Variants in FAM193A observed in about 807,000 individuals in gnomAD.
FAM193A encodes the protein protein FAM193A.
In FAM193A, 22 loss-of-function variants were observed where a neutral mutation model predicts 126.5. That is an observed-to-expected ratio of 0.17 (90% confidence interval 0.12 to 0.25). The LOEUF is 0.25. Among genes scored for constraint, FAM193A ranks in the 10% least tolerant of loss-of-function variants. The probability of loss-of-function intolerance (pLI) is 1.00; values close to 1 mark genes in which losing one functional copy is unlikely to be tolerated. For missense variants in FAM193A, 1,675 were observed against 1,672.8 expected, an observed-to-expected ratio of 1.00 and a Z score of -0.02; for synonymous variants, 761 against 646.8, an observed-to-expected ratio of 1.18 and a Z score of -2.68.
In FAM193A at chr4:2,561,154, A is replaced by C. The variant is rs1333667767; in HGVS notation, c.255+23984A>C. Among the ~76,000 whole-genome samples the C allele has an allele frequency of 3.9e-5, 6 of 152,326 alleles. No homozygotes were observed. The South Asian group carries it at 1.2e-3, about 32-fold the overall frequency. On this transcript the variant is annotated intron_variant, in intron 1 of 20. Transcript: ENST00000637812. ...AGTTCTTCCTCTCAAGTTCACACTTAATATGTTAGGCATATATGCTGGTAG... is the reference window on the plus strand; with the variant it reads ...AGTTCTTCCTCTCAAGTTCACACTTCATATGTTAGGCATATATGCTGGTAG...
At chr4:2,715,974 G>C in intron 19 of FAM193A, 49 bp from the exon 20 acceptor site, 1 of 1,008,596 alleles carries the variant, frequency 9.9e-7, no homozygotes, top group Middle Eastern at 2.0e-4. Flanking sequence ...GTTCTGATAA[G>C]ATAGCCTGCT....
At chr4:2,657,905 A>G (rs2109096501) in intron 8 of FAM193A, 25 bp downstream of exon 8, 2 of 1,504,508 alleles carry the variant, frequency 1.3e-6, no homozygotes, top group South Asian at 2.3e-5. Flanking sequence ...AAGAGAGGCA[A>G]TTAAAGGAAG....
At chr4:2,580,951 A>G (rs1577034733) in intron 1 of FAM193A, among the ~76,000 whole-genome samples, 1 of 152,136 alleles carries the variant, frequency 6.6e-6, no homozygotes, top group Non-Finnish European at 1.5e-5. Context: ...AACACGGTGA[A>G]ACCCCGTCTC....
Position 2,728,895 on chromosome 4 carries a change from AC to A in FAM193A, c.4455-2879del, listed in dbSNP as rs369837147. ...TAAGCAAATATGTTCCACCTCCAAA[AC>A]TTTTTTTTTTTTTTTTTTTTTTTTT... On this transcript the variant is annotated intron_variant, in intron 20 of 20. Coordinates refer to ENST00000637812, the MANE Select transcript of FAM193A (RefSeq NM_001366318.2). Among the ~76,000 whole-genome samples, 25 of 105,722 alleles carry A rather than the reference AC, an allele frequency of 2.4e-4. 6 individuals are homozygous for A. Among genetic ancestry groups the A allele is most frequent in the Admixed American group, 4.0e-4 (4 of 9,998 alleles). 69.4% of individuals were successfully genotyped at this position (105,722 alleles called of 152,430 possible). A position where few individuals can be genotyped will look rare whatever the true frequency, so the allele number is the denominator to read the frequency against.
chr4:2,707,095 C>T (rs76353035), intron 19 of FAM193A, among the ~76,000 whole-genome samples: 1,673 of 151,852 alleles, frequency 0.011, 36 homozygotes, highest in African/African-American at 0.038. Flanking sequence ...GCGCTCCAGC[C>T]GAGGCAACAG....
At chr4:2,568,175 G>A (rs1739080777) in intron 1 of FAM193A, among the ~76,000 whole-genome samples, 1 of 152,148 alleles carries the variant, frequency 6.6e-6, no homozygotes, top group African/African-American at 2.4e-5. Flanking sequence ...TATATTTTAT[G>A]AGATTGGATA....
At chr4:2,630,255 A>ATT (rs5855748) in intron 4 of FAM193A, among the ~76,000 whole-genome samples, 6 of 148,306 alleles carry the variant, frequency 4.0e-5, no homozygotes, top group African/African-American at 1.5e-4. Flanking sequence ...TGTTGCATGT[A>ATT]TTTTTTTTTT....
chr4:2,712,034 T>C (rs1384550986), intron 19 of FAM193A, among the ~76,000 whole-genome samples: 1 of 152,198 alleles, frequency 6.6e-6, no homozygotes, highest in Non-Finnish European at 1.5e-5. Context: ...TTGTTAATAA[T>C]TTACAGGTTT....
intron 12 of FAM193A, among the ~76,000 whole-genome samples, chr4:2,663,497 C>T (rs948336044): frequency 6.6e-6 from 1 of 151,970 alleles, no homozygotes; most frequent in Admixed American, 6.6e-5. Context: ...CCCATAGCAG[C>T]TCTGTGGAGG....
intron 13 of FAM193A, among the ~76,000 whole-genome samples, chr4:2,676,152 G>A (rs1714379659): frequency 1.3e-5 from 2 of 152,202 alleles, no homozygotes; most frequent in African/African-American, 4.8e-5. Context: ...AAGTGGAATT[G>A]CTAGATCATA....
At chr4:2,569,802 G>A (rs1269601668) in intron 1 of FAM193A, among the ~76,000 whole-genome samples, 2 of 152,158 alleles carry the variant, frequency 1.3e-5, no homozygotes, top group Non-Finnish European at 2.9e-5. Flanking sequence ...ACTGCACCCA[G>A]CTGCTAATTC....
intron 1 of FAM193A, among the ~76,000 whole-genome samples, chr4:2,580,319 G>A (rs1038021551): frequency 6.6e-6 from 1 of 152,152 alleles, no homozygotes; most frequent in Non-Finnish European, 1.5e-5. Context: ...ATACACTGTG[G>A]CCTATCAAAG....
chr4:2,609,804 C>T (rs557357021), intron 2 of FAM193A, among the ~76,000 whole-genome samples: 3 of 152,062 alleles, frequency 2.0e-5, no homozygotes, highest in Non-Finnish European at 4.4e-5. Context: ...TGTTGTGCAT[C>T]TGTAGTCCCA....
intron 10 of FAM193A, among the ~76,000 whole-genome samples, chr4:2,661,512 A>G (rs1336779024): frequency 6.6e-6 from 1 of 152,188 alleles, no homozygotes; most frequent in Non-Finnish European, 1.5e-5. Context: ...AGGAGTGTGT[A>G]TGAGCATTGG....
At chr4:2,598,219 T>A (rs1388139141) in intron 2 of FAM193A, among the ~76,000 whole-genome samples, 1 of 152,188 alleles carries the variant, frequency 6.6e-6, no homozygotes, top group Non-Finnish European at 1.5e-5. Context: ...CCTACAGTTT[T>A]GCTTTTTCCA....
In FAM193A at chr4:2,660,074, T is replaced by C; in HGVS notation, c.1745+20T>C. ...AACTTTGTAAGTTGTGACTTTGTAA[T>C]AAAGTTTCCGAAATTTAAGTCGCCC... On this transcript the variant is annotated intron_variant, in intron 10 of 20. Coordinates refer to ENST00000637812, the MANE Select transcript of FAM193A (RefSeq NM_001366318.2). 6.2e-7 allele frequency: 1 copy of C among 1,609,824 alleles called. No individual in the cohort carries two copies. The highest frequency in any genetic ancestry group is 2.2e-5 in the East Asian group (1 of 44,800).
At chr4:2,642,219 G>A (rs1039467752) in intron 6 of FAM193A, among the ~76,000 whole-genome samples, 7 of 152,126 alleles carry the variant, frequency 4.6e-5, no homozygotes, top group Admixed American at 2.0e-4. Context: ...CAGGAGAATG[G>A]CGTGAACCTG....
intron 2 of FAM193A, among the ~76,000 whole-genome samples, chr4:2,611,786 T>C (rs1033170783): frequency 2.6e-5 from 4 of 152,154 alleles, no homozygotes; most frequent in African/African-American, 9.7e-5. Flanking sequence ...GGCATTTTCA[T>C]TATACAGCAC....
At chr4:2,557,011 C>A (rs772604426) in intron 1 of FAM193A, among the ~76,000 whole-genome samples, 8 of 152,140 alleles carry the variant, frequency 5.3e-5, no homozygotes, top group Non-Finnish European at 1.0e-4. Flanking sequence ...GGGGATCCAT[C>A]CCAAGACCCC....
Sources: allele counts gnomAD v4.1 joint callset (sites outside exome capture counted in the v4.1 genomes callset), GRCh38; gene constraint gnomAD v4.1.1; transcripts MANE v1.5; gene names NCBI Gene and HGNC (gene_info 2026-07-23, HGNC 2026-07-21).